The following ATP10A variants were observed in gnomAD, a reference collection of about 807,000 sequenced individuals.
ATP10A encodes the protein ATPase phospholipid transporting 10A (putative).
ATP10A carries 111 observed loss-of-function variants against 147.8 expected under a neutral mutation model. The observed-to-expected ratio is 0.75, with a 90% confidence interval of 0.64 to 0.88. ATP10A has a LOEUF of 0.88. Among genes scored for constraint, ATP10A ranks in the 40% least tolerant of loss-of-function variants. ATP10A has a pLI of 0.00. For missense variants in ATP10A, 1,927 were observed against 1,959.0 expected (o/e 0.98, Z 0.31); for synonymous variants, 875 against 841.6 (o/e 1.04, Z -0.69).
At chr15:25,832,092 C>T (rs1892380500) in intron 1 of ATP10A, among the ~76,000 whole-genome samples, 1 of 152,116 alleles carries the variant, frequency 6.6e-6, no homozygotes, top group African/African-American at 2.4e-5. Context: ...AGAAGACAGC[C>T]ATGTGAAGAC....
chr15:25,732,801 C>T (rs990141822), intron 3 of ATP10A, among the ~76,000 whole-genome samples: 2 of 151,846 alleles, frequency 1.3e-5, no homozygotes, highest in Non-Finnish European at 1.5e-5. Flanking sequence ...ATGATCTGCC[C>T]GCCCCGGCCT....
intron 2 of ATP10A, among the ~76,000 whole-genome samples, chr15:25,741,600 CTATTAT>C (rs1244951242): frequency 2.0e-5 from 3 of 152,114 alleles, no homozygotes; most frequent in African/African-American, 7.2e-5. Flanking sequence ...TTTATTATTA[CTATTAT>C]TATTATTTTG....
chr15:25,715,356 A>G (rs971922771), intron 9 of ATP10A, among the ~76,000 whole-genome samples: 12 of 152,236 alleles, frequency 7.9e-5, no homozygotes, highest in African/African-American at 2.2e-4. Flanking sequence ...ATATGTGGGA[A>G]TAGAAATGCA....
chr15:25,769,176 C>A (rs1419526774), intron 2 of ATP10A, among the ~76,000 whole-genome samples: 1 of 152,040 alleles, frequency 6.6e-6, no homozygotes, highest in Non-Finnish European at 1.5e-5. Context: ...CACTGTTATC[C>A]ACAGAGCTTT....
At chr15:25,780,483 C>A (rs1195819492) in intron 2 of ATP10A, among the ~76,000 whole-genome samples, 2 of 152,232 alleles carry the variant, frequency 1.3e-5, no homozygotes, top group Non-Finnish European at 2.9e-5. Context: ...AGATGTTGGG[C>A]AGCCCAATGG....
intron 1 of ATP10A, among the ~76,000 whole-genome samples, chr15:25,830,379 C>T (rs1382227688): frequency 1.3e-5 from 2 of 152,168 alleles, no homozygotes; most frequent in African/African-American, 4.8e-5. Context: ...CCAGCCTGTC[C>T]AAAACCACAC....
chr15:25,760,269 A>T (rs1888690296), intron 2 of ATP10A, among the ~76,000 whole-genome samples: 1 of 152,226 alleles, frequency 6.6e-6, no homozygotes, highest in Non-Finnish European at 1.5e-5. Flanking sequence ...AAGCACTGTC[A>T]AAACATGGAA....
At chr15:25,825,126 T>G (rs1384826599) in intron 1 of ATP10A, among the ~76,000 whole-genome samples, 1 of 152,242 alleles carries the variant, frequency 6.6e-6, no homozygotes, top group Admixed American at 6.5e-5. Flanking sequence ...TTGACCAGGC[T>G]GCTTTTCCCT....
chr15:25,676,837 A>C (rs916676675), downstream of ATP10A, among the ~76,000 whole-genome samples: 3 of 152,118 alleles, frequency 2.0e-5, no homozygotes, highest in African/African-American at 7.2e-5. Flanking sequence ...TGAAGAATGC[A>C]TGTCTTGTCA....
intron 1 of ATP10A, among the ~76,000 whole-genome samples, chr15:25,839,522 A>G (rs1892723512): frequency 6.6e-6 from 1 of 152,138 alleles, no homozygotes; most frequent in East Asian, 1.9e-4. Context: ...GTAAATCTAC[A>G]CTAGCCCTCC....
chr15:25,804,076 G>GGTGT (rs5811398), intron 1 of ATP10A, among the ~76,000 whole-genome samples: 3 of 144,204 alleles, frequency 2.1e-5, no homozygotes, highest in Non-Finnish European at 3.0e-5. Context: ...CTACGTGCAT[G>GGTGT]GTGTGTGTGT....
chr15:25,839,282 C>T (rs1033671718), intron 1 of ATP10A, among the ~76,000 whole-genome samples: 3 of 152,178 alleles, frequency 2.0e-5, no homozygotes, highest in African/African-American at 7.2e-5. Context: ...AGAACAAGTA[C>T]ATTAAAATAA....
chr15:25,811,566 G>A (rs1212516723), intron 1 of ATP10A, among the ~76,000 whole-genome samples: 2 of 152,156 alleles, frequency 1.3e-5, no homozygotes, highest in Non-Finnish European at 2.9e-5. Context: ...TGTTAGAGGA[G>A]TGCACACTCC....
At chr15:25,800,022 G>T (rs1341688759) in intron 1 of ATP10A, among the ~76,000 whole-genome samples, 1 of 152,148 alleles carries the variant, frequency 6.6e-6, no homozygotes, top group East Asian at 1.9e-4. Flanking sequence ...AGGAGGAAAA[G>T]CGACAAAGAA....
chr15:25,825,202 GT>G (rs554708569), intron 1 of ATP10A, among the ~76,000 whole-genome samples: 125 of 152,212 alleles, frequency 8.2e-4, no homozygotes, highest in Admixed American at 6.9e-3. Context: ...TAGGAAAAGC[GT>G]TTTCACTTGA....
At chr15:25,774,457 C>A (rs1056531870) in intron 2 of ATP10A, among the ~76,000 whole-genome samples, 3 of 152,018 alleles carry the variant, frequency 2.0e-5, no homozygotes, top group Admixed American at 2.0e-4. Context: ...GCCTGTAATC[C>A]CAGCTACTTG....
At chr15:25,805,060 G>A (rs898195525) in intron 1 of ATP10A, among the ~76,000 whole-genome samples, 3 of 152,202 alleles carry the variant, frequency 2.0e-5, no homozygotes, top group African/African-American at 7.2e-5. Flanking sequence ...CAGCCATGGT[G>A]AGCGGACGGG....
chr15:25,780,705 C>G (rs962444196), intron 2 of ATP10A, among the ~76,000 whole-genome samples: 1 of 152,194 alleles, frequency 6.6e-6, no homozygotes. Context: ...AGTGAAACAG[C>G]TAGGTACGTG....
chr15:25,831,997 G>C (rs1892375629), intron 1 of ATP10A, among the ~76,000 whole-genome samples: 1 of 152,172 alleles, frequency 6.6e-6, no homozygotes, highest in South Asian at 2.1e-4. Context: ...GTTAAGATAA[G>C]GTTATACTGG....
Sources: allele counts gnomAD v4.1 joint callset (sites outside exome capture counted in the v4.1 genomes callset), GRCh38; gene constraint gnomAD v4.1.1; transcripts MANE v1.5; gene names NCBI Gene and HGNC (gene_info 2026-07-23, HGNC 2026-07-21).